WTIP: variants seen among roughly 807,000 people sequenced by gnomAD.
WTIP encodes Wilms tumor protein 1-interacting protein.
In WTIP, 23 loss-of-function variants were observed where a neutral mutation model predicts 41.7. That is an observed-to-expected ratio of 0.55 (90% CI 0.40 to 0.78). The LOEUF is 0.78. WTIP is among the 30% of genes least tolerant of loss of function. The pLI, the probability that WTIP is intolerant of heterozygous loss-of-function variation, is 0.00. For missense variants in WTIP, 619 were observed against 610.5 expected (o/e 1.01, Z -0.15); for synonymous variants, 314 against 269.9 (o/e 1.16, Z -1.60).
intron 1 of WTIP, among the ~76,000 whole-genome samples, chr19:34,485,202 C>T (rs1207934113): frequency 2.0e-5 from 3 of 152,148 alleles, no homozygotes. Flanking sequence ...CCTGGCTCAG[C>T]CTCCCCAGTA....
At chr19:34,489,314 T>C (rs1044358634) in intron 1 of WTIP, among the ~76,000 whole-genome samples, 2 of 150,578 alleles carry the variant, frequency 1.3e-5, no homozygotes, top group Middle Eastern at 3.5e-3. Flanking sequence ...TTCTTGAAGG[T>C]GGGGACCTGG....
At position 34,504,519 on chromosome 19, in the gene WTIP, A is replaced by G. The variant is rs2075903288; in HGVS notation, c.*4250A>G. The stretch of plus-strand genomic sequence containing the variant: ...TGCCCTCTGCCCTCATTCTTTCTTC[A>G]TCCGGGCTCCCTGCCCCTGTTGGGG... On this transcript the variant is annotated 3_prime_UTR_variant, in exon 8 of 8. Transcript: ENST00000590071. 1 of 151,878 alleles carries G rather than the reference A, an allele frequency of 6.6e-6. No individual in the cohort carries two copies. The highest frequency in any genetic ancestry group is 1.5e-5 in the Non-Finnish European group (1 of 68,036). 9.4% of individuals were successfully genotyped at this position (151,878 alleles called of 1,614,324 possible). A position where few individuals can be genotyped will look rare whatever the true frequency, so the allele number is the denominator to read the frequency against.
intron 1 of WTIP, among the ~76,000 whole-genome samples, chr19:34,489,143 G>A (rs28368220): frequency 0.28 from 38,863 of 139,706 alleles, 5,809 homozygotes; most frequent in African/African-American, 0.4. Flanking sequence ...AGGTTGCAGT[G>A]AGTCGAGATC....
At chr19:34,494,813 T>A (rs2075844602) in intron 6 of WTIP, among the ~76,000 whole-genome samples, 176 bp downstream of exon 6, 1 of 152,096 alleles carries the variant, frequency 6.6e-6, no homozygotes, top group South Asian at 2.1e-4. Flanking sequence ...GGTACAGCTG[T>A]CCCCTGGCAC....
At position 34,507,427 on chromosome 19, in the gene WTIP, CAAAAAAAAAA is replaced by C. The variant is rs34578586; in HGVS notation, c.*7168_*7177del. On this transcript the variant is annotated 3_prime_UTR_variant, in exon 8 of 8. Coordinates refer to ENST00000590071, the MANE Select transcript of WTIP (RefSeq NM_001080436.2). ...GATGCCCAAAAGAACAAACATAAAC[CAAAAAAAAAA>C]AAAAAAAAATTCCAGACTGTCCCCT... The C allele has an allele frequency of 8.3e-6, 1 of 120,960 alleles. No homozygotes were observed. Among genetic ancestry groups the C allele is most frequent in the East Asian group, 2.3e-4 (1 of 4,398 alleles). The allele number at this position is 120,960 out of a possible 1,614,324, so 7.5% of individuals were successfully genotyped here.
Position 34,493,307 on chromosome 19 carries a change from A to G in WTIP, c.882A>G (p.Gly294=). 2.5e-6 allele frequency: 4 copies of G among 1,613,230 alleles called. No individual in the cohort carries two copies. The highest frequency in any genetic ancestry group is 3.4e-6 in the Non-Finnish European group (4 of 1,179,662). ...CGGCCGACAAATGCAGCGTGTGTGG[A>G]CATCTCATCATGGAAATGGTGAGCC... is the stretch of plus-strand genomic sequence containing the variant. ...QQTADKCSVC[G]HLIMEMILQA... Residue 294 remains glycine, a synonymous_variant, in exon 4 of 8, where the codon GGA becomes GGG. Transcript: ENST00000590071. This position sits in a 1 kb window ranked among gnomAD's most constrained non-coding sequence, Gnocchi z 4.1.
intron 1 of WTIP, among the ~76,000 whole-genome samples, chr19:34,487,542 T>C (rs554004339): frequency 6.6e-6 from 1 of 151,428 alleles, no homozygotes; most frequent in East Asian, 2.0e-4. Flanking sequence ...GCAGGCTGCA[T>C]CCTAGAAACC....
intron 1 of WTIP, among the ~76,000 whole-genome samples, chr19:34,488,595 C>T (rs957083203): frequency 4.6e-5 from 7 of 151,880 alleles, no homozygotes; most frequent in South Asian, 2.1e-4. Context: ...TGGAACTCTT[C>T]GGCTCAAGTG....
chr19:34,504,385 GTGTAAT>G lies in WTIP; in HGVS notation c.*4120_*4125del, dbSNP rs2075902166. ...CTCCTGTAAGTGACCACACTGTGGG[GTGTAAT>G]TGTGTGTTTGTTTGTGTGTGTGTGT... On this transcript the variant is annotated 3_prime_UTR_variant, in exon 8 of 8. Transcript: ENST00000590071. 1 of 150,992 alleles carries G rather than the reference GTGTAAT, an allele frequency of 6.6e-6. No homozygotes were observed. The highest frequency in any genetic ancestry group is 2.1e-4 in the South Asian group (1 of 4,774). 9.4% of individuals were successfully genotyped at this position (150,992 alleles called of 1,614,324 possible).
In WTIP at chr19:34,507,866, C is replaced by G. The variant is rs1012543505; in HGVS notation, c.*7597C>G. 1 of 152,214 alleles carries G rather than the reference C, an allele frequency of 6.6e-6. No homozygotes were observed. The highest frequency in any genetic ancestry group is 2.4e-5 in the African/African-American group (1 of 41,454). 9.4% of individuals were successfully genotyped at this position (152,214 alleles called of 1,614,324 possible). On this transcript the variant is annotated 3_prime_UTR_variant, in exon 8 of 8. Coordinates refer to ENST00000590071, the MANE Select transcript of WTIP (RefSeq NM_001080436.2). ...CGGCTTCAGCCTCCAGTCCTGGTCC[C>G]ACACATCTCCTGGAGCAGAGCCTGA...
chr19:34,500,049 C>A, intron 7 of WTIP, 80 bp from the exon 8 acceptor site: 1 of 1,545,996 alleles, frequency 6.5e-7, no homozygotes, highest in East Asian at 2.3e-5. Flanking sequence ...TGCCCCTCCC[C>A]TCCGTCCCTC....
At chr19:34,498,014 C>T (rs972632220) in intron 7 of WTIP, among the ~76,000 whole-genome samples, 3 of 152,128 alleles carry the variant, frequency 2.0e-5, no homozygotes, top group Admixed American at 6.5e-5. Flanking sequence ...TCCGGGACCC[C>T]GCACTCCTCC....
In WTIP at chr19:34,500,149, C is replaced by CG. The variant is rs776714378; in HGVS notation, c.1177dup (p.Glu393GlyfsTer37). 1 of 1,600,532 alleles carries CG rather than the reference C, an allele frequency of 6.2e-7. No homozygotes were observed. On this transcript the variant is annotated frameshift_variant, in exon 8 of 8. Transcript: ENST00000590071. LOFTEE classifies it high-confidence loss of function. The stretch of plus-strand genomic sequence containing the variant: ...CCTAGGACTGCGGGCTGCAGCTGAG[C>CG]GGGGAGGAGGGACGCCGTTGCTATC...
chr19:34,499,350 T>C (rs1217681392), intron 7 of WTIP, among the ~76,000 whole-genome samples: 1 of 149,576 alleles, frequency 6.7e-6, no homozygotes, highest in Non-Finnish European at 1.5e-5. Flanking sequence ...CTACAAAAAA[T>C]AAACAAAATT....
At chr19:34,487,705 T>C (rs918444104) in intron 1 of WTIP, among the ~76,000 whole-genome samples, 47 of 151,874 alleles carry the variant, frequency 3.1e-4, no homozygotes, top group Non-Finnish European at 2.2e-4. Context: ...GAGAGGAGGT[T>C]ATTTAAGGAG....
chr19:34,482,327 A>C lies in WTIP; in HGVS notation c.353A>C (p.His118Pro). Reference sequence around the variant, plus strand: ...ATCAGCCTGGGCTACGACCAGCGCCACGGCAGCCCGCGCTCCGGTCGCTCG... The same window carrying C: ...ATCAGCCTGGGCTACGACCAGCGCCCCGGCAGCCCGCGCTCCGGTCGCTCG... ...SGISLGYDQR[H>P]GSPRSGRSDP... Residue 118 changes from histidine to proline, a missense_variant, in exon 1 of 8, where the codon CAC (histidine) becomes CCC (proline). This residue lies in a region of WTIP where 363 missense variants were observed against 309.0 expected (regional missense o/e 1.17). Transcript: ENST00000590071. The C allele has an allele frequency of 7.2e-7, 1 of 1,384,554 alleles. No homozygotes were observed. The highest frequency in any genetic ancestry group is 9.4e-7 in the Non-Finnish European group (1 of 1,063,334). The allele number at this position is 1,384,554 out of a possible 1,614,324, so 85.8% of individuals were successfully genotyped here.
intron 7 of WTIP, 82 bp from the exon 8 acceptor site, chr19:34,500,047 C>A: frequency 6.5e-7 from 1 of 1,540,336 alleles, no homozygotes; most frequent in Non-Finnish European, 8.7e-7. Flanking sequence ...TCTGCCCCTC[C>A]CCTCCGTCCC....
intron 2 of WTIP, 48 bp downstream of exon 2, chr19:34,490,525 A>T (rs752676671): frequency 1.3e-6 from 2 of 1,558,042 alleles, no homozygotes; most frequent in Non-Finnish European, 1.8e-6. Flanking sequence ...GACCTGCCAC[A>T]TCATCCCCAT....
At position 34,493,479 on chromosome 19, in the gene WTIP, GC is replaced by G. The variant is rs751940967; in HGVS notation, c.901-9del. On this transcript the variant is annotated splice_polypyrimidine_tract_variant and intron_variant, in intron 4 of 7. Transcript: ENST00000590071. This position sits in a 1 kb window ranked among gnomAD's most constrained non-coding sequence, Gnocchi z 4.1. Reference sequence around the variant, plus strand: ...CCTGCCCGCGCTGACCCCTCAGTGTGCCCCGCCCACAGATCCTGCAGGCCCT... The same window carrying G: ...CCTGCCCGCGCTGACCCCTCAGTGTGCCCGCCCACAGATCCTGCAGGCCCT... 179 of 1,612,994 alleles carry G rather than the reference GC, an allele frequency of 1.1e-4. No homozygotes were observed. Among genetic ancestry groups the G allele is most frequent in the Non-Finnish European group, 1.4e-4 (171 of 1,179,748 alleles).
Sources: allele counts gnomAD v4.1 joint callset (sites outside exome capture counted in the v4.1 genomes callset), GRCh38; gene constraint gnomAD v4.1.1; regional missense constraint gnomAD v4.1.1; non-coding constraint Gnocchi (gnomAD v3.1); transcripts MANE v1.5; gene names NCBI Gene and HGNC (gene_info 2026-07-23, HGNC 2026-07-21).